SUPT6H: variants seen among roughly 807,000 people sequenced by gnomAD.
The protein encoded by SUPT6H is SPT6 homolog, histone chaperone and transcription elongation factor.
A neutral mutation model predicts 222.3 loss-of-function variants in SUPT6H; 11 were observed. That is an observed-to-expected ratio of 0.05 (90% CI 0.03 to 0.08). The LOEUF (loss-of-function observed/expected upper bound fraction) is 0.08, where lower values mean the gene tolerates loss of function less well. Ranked by LOEUF, SUPT6H falls within the 10% of genes least tolerant of loss-of-function variation. The pLI is 1.00. For synonymous variants in SUPT6H, 762 were observed against 801.2 expected, an observed-to-expected ratio of 0.95 and a Z score of 0.83; for missense variants, 1,422 against 2,216.0, an observed-to-expected ratio of 0.64 and a Z score of 7.19.
intron 6 of SUPT6H, 99 bp from the exon 7 acceptor site, chr17:28,676,058 C>T: frequency 2.2e-6 from 3 of 1,381,232 alleles, no homozygotes; most frequent in South Asian, 3.0e-5. Flanking sequence ...CCTCCTAACC[C>T]TCTCAGTTCC....
intron 11 of SUPT6H, among the ~76,000 whole-genome samples, chr17:28,679,383 A>G (rs542410739): frequency 8.8e-4 from 134 of 152,238 alleles, no homozygotes; most frequent in Non-Finnish European, 1.6e-3. Context: ...AAAAAAAAAA[A>G]AGAATTATAG....
intron 36 of SUPT6H, 49 bp from the exon 37 acceptor site, chr17:28,701,390 A>G (rs1189760998): frequency 1.3e-6 from 2 of 1,589,836 alleles, no homozygotes; most frequent in Admixed American, 3.4e-5. Flanking sequence ...ATTGGTGGGA[A>G]GACTTCCTTC....
intron 1 of SUPT6H, among the ~76,000 whole-genome samples, chr17:28,666,264 G>A (rs1361381304): frequency 1.3e-5 from 2 of 152,168 alleles, no homozygotes; most frequent in South Asian, 2.1e-4. Context: ...TAAATCAGGG[G>A]TCACAAACTA....
intron 13 of SUPT6H, 58 bp from the exon 14 acceptor site, chr17:28,682,668 AG>A: frequency 6.3e-7 from 1 of 1,577,506 alleles, no homozygotes; most frequent in Non-Finnish European, 8.6e-7. Flanking sequence ...AGATTCTGAA[AG>A]CCAAGAGGTT....
At chr17:28,665,924 A>G (rs910344420) in intron 1 of SUPT6H, among the ~76,000 whole-genome samples, 2 of 152,190 alleles carry the variant, frequency 1.3e-5, no homozygotes, top group African/African-American at 2.4e-5. Flanking sequence ...TCAGAAAATA[A>G]TAAGTTTTTG....
chr17:28,675,283 C>T (rs1026003531), intron 5 of SUPT6H, 118 bp from the exon 6 acceptor site: 3 of 1,489,204 alleles, frequency 2.0e-6, no homozygotes, highest in Non-Finnish European at 2.8e-6. Context: ...AAAGAAGTTC[C>T]TTTTCAGGAG....
At position 28,701,933 on chromosome 17, in the gene SUPT6H, C is replaced by T; in HGVS notation, c.*308C>T. On this transcript the variant is annotated 3_prime_UTR_variant, in exon 37 of 37. Transcript: ENST00000314616. ...AGTAGAACAGTTTTGTATTCTACTC[C>T]CTACAAGCCATTTTGAACTTCTGCC... The T allele has an allele frequency of 8.9e-6, 3 of 336,760 alleles. No individual in the cohort carries two copies. Among genetic ancestry groups the T allele is most frequent in the Non-Finnish European group, 1.6e-5 (3 of 182,104 alleles). The allele number at this position is 336,760 out of a possible 1,614,324, so 20.9% of individuals were successfully genotyped here.
chr17:28,685,109 T>G, intron 19 of SUPT6H, 148 bp downstream of exon 19: 1 of 753,776 alleles, frequency 1.3e-6, no homozygotes, highest in Non-Finnish European at 2.2e-6. Context: ...GATGCCTCAC[T>G]TCCATGAGCA....
intron 11 of SUPT6H, among the ~76,000 whole-genome samples, chr17:28,679,717 C>T (rs1213118782): frequency 6.6e-6 from 1 of 151,750 alleles, no homozygotes; most frequent in East Asian, 2.0e-4. Flanking sequence ...TGGGGCCTGG[C>T]ACGGTGGCTA....
In SUPT6H at chr17:28,663,827, C is replaced by CTTTTTTTTTTTTTTTTTTTT. The variant is rs1567681347; in HGVS notation, c.-32+1485_-32+1486insTTTTTTTTTTTTTTTTTTTT. 6.3e-3 allele frequency among the ~76,000 whole-genome samples: 53 copies of CTTTTTTTTTTTTTTTTTTTT among 8,370 alleles called. 1 individual carries two copies. The highest frequency in any genetic ancestry group is 8.8e-3 in the Non-Finnish European group (28 of 3,198). The allele number at this position is 8,370 out of a possible 152,430, so 5.5% of individuals were successfully genotyped here. A position where few individuals can be genotyped will look rare whatever the true frequency, so the allele number is the denominator to read the frequency against. On this transcript the variant is annotated intron_variant, in intron 1 of 36. Coordinates refer to ENST00000314616, the MANE Select transcript of SUPT6H (RefSeq NM_003170.5). The stretch of plus-strand genomic sequence containing the variant: ...AATCTGGCTTCTCTTCTGCCCACTC[C>CTTTTTTTTTTTTTTTTTTTT]ATTTTTTTTTTTTTTTTTGTGGAGA...
chr17:28,686,266 A>T, intron 19 of SUPT6H, 73 bp from the exon 20 acceptor site: 1 of 1,356,640 alleles, frequency 7.4e-7, no homozygotes, highest in South Asian at 1.2e-5. Flanking sequence ...AAGATCTCCA[A>T]CATAGGGAGA....
At position 28,689,429 on chromosome 17, in the gene SUPT6H, A is replaced by T. The variant is rs755143104; in HGVS notation, c.3210A>T (p.Ala1070=). 6 of 1,614,110 alleles carry T rather than the reference A, an allele frequency of 3.7e-6. No individual in the cohort carries two copies. ...CTTATGAGTGGGCTAGGAAGATGGC[A>T]GTGGATGCCCTGGAATACGATGAAT... ...PETYEWARKM[A]VDALEYDESA... The change falls in exon 25 of 37, where the codon GCA becomes GCT. Residue 1070 remains alanine, a synonymous_variant. Transcript: ENST00000314616.
At chr17:28,695,574 G>T in intron 29 of SUPT6H, 27 bp downstream of exon 29, 4 of 1,601,684 alleles carry the variant, frequency 2.5e-6, no homozygotes, top group African/African-American at 1.3e-5. Flanking sequence ...CCATCTCTGT[G>T]CACCCTGCAT....
chr17:28,689,459 C>G lies in SUPT6H; in HGVS notation c.3240C>G (p.Ala1080=). The change falls in exon 25 of 37, where the codon GCC becomes GCG. Residue 1080 remains alanine (A), a synonymous_variant. Transcript: ENST00000314616. ...AVDALEYDES[A]EDANPAGALE... is the part of the protein sequence containing the mutation. The stretch of plus-strand genomic sequence containing the variant: ...ATGCCCTGGAATACGATGAATCAGC[C>G]GAGGATGCCAATCCTGCAGGAGCCC... The G allele has an allele frequency of 6.2e-7, 1 of 1,614,176 alleles. No homozygotes were observed. Among genetic ancestry groups the G allele is most frequent in the Non-Finnish European group, 8.5e-7 (1 of 1,180,038 alleles).
chr17:28,684,060 T>A lies in SUPT6H; in HGVS notation c.2229+244T>A, dbSNP rs188481803. Among the ~76,000 whole-genome samples, 4 of 152,198 alleles carry A rather than the reference T, an allele frequency of 2.6e-5. No homozygotes were observed. In the East Asian group the frequency reaches 7.7e-4, roughly 29 times the overall value. On this transcript the variant is annotated intron_variant, in intron 17 of 36. Coordinates refer to ENST00000314616, the MANE Select transcript of SUPT6H (RefSeq NM_003170.5). ...TTTTTAGTATAAAATAACATGGTTT[T>A]ACCGTGTTAGCCAGGATGGTCTCAA...
Position 28,684,827 on chromosome 17 carries a change from T to C in SUPT6H, c.2370-17T>C. 1.9e-6 allele frequency: 3 copies of C among 1,614,084 alleles called. No homozygotes were observed. Among genetic ancestry groups the C allele is most frequent in the Middle Eastern group, 1.7e-4 (1 of 6,060 alleles). ...ATTGCTGATTATTGCATTCTTGTTT[T>C]TCTGTCTGTCTGGCAGAGATCACCC... is the stretch of plus-strand genomic sequence containing the variant. On this transcript the variant is annotated splice_polypyrimidine_tract_variant and intron_variant, in intron 18 of 36. Transcript: ENST00000314616.
intron 1 of SUPT6H, among the ~76,000 whole-genome samples, chr17:28,663,701 C>T (rs947405825): frequency 1.3e-5 from 2 of 152,002 alleles, no homozygotes; most frequent in Non-Finnish European, 2.9e-5. Flanking sequence ...TCCTTCACAT[C>T]CCTCTCCAAT....
rs1254292910 is a variant in SUPT6H at position 28,673,440 on chromosome 17, G to T, written c.39G>T (p.Glu13Asp). ...DFVESEAEES[E>D]EEYNDEGEVV... ...TGGAAAGCGAGGCTGAGGAGTCAGA[G>T]GAAGAATACAATGATGAAGGCGAGG... is the stretch of plus-strand genomic sequence containing the variant. Residue 13 changes from glutamate (E) to aspartate (D), a missense_variant, in exon 2 of 37, where the codon GAG becomes GAT. Glu to Asp is a conservative substitution (Grantham distance 45, BLOSUM62 2). Around this residue, in one of 13 missense-constraint regions of SUPT6H, gnomAD observed 89 missense variants for 118.9 expected, o/e 0.75. Coordinates refer to ENST00000314616, the MANE Select transcript of SUPT6H (RefSeq NM_003170.5). 1.9e-6 allele frequency: 3 copies of T among 1,614,092 alleles called. No individual in the cohort carries two copies. The highest frequency in any genetic ancestry group is 2.2e-5 in the East Asian group (1 of 44,894).
At chr17:28,697,851 C>A in intron 31 of SUPT6H, 55 bp from the exon 32 acceptor site, 1 of 1,608,056 alleles carries the variant, frequency 6.2e-7, no homozygotes, top group East Asian at 2.2e-5. Flanking sequence ...GTGCACCAGA[C>A]GTTGTGTACC....
Sources: allele counts gnomAD v4.1 joint callset (sites outside exome capture counted in the v4.1 genomes callset), GRCh38; gene constraint gnomAD v4.1.1; regional missense constraint gnomAD v4.1.1; transcripts MANE v1.5; gene names NCBI Gene and HGNC (gene_info 2026-07-23, HGNC 2026-07-21).